KCNG2: variants seen among roughly 807,000 people sequenced by gnomAD.
KCNG2 encodes the protein potassium voltage-gated channel modifier subfamily G member 2, also known as voltage-gated potassium channel regulatory subunit KCNG2.
Under a neutral mutation model 12.3 loss-of-function variants are expected in KCNG2, and 7 were observed. The ratio of observed to expected loss-of-function variants is 0.57; its 90% CI spans 0.32 to 1.07. The LOEUF (loss-of-function observed/expected upper bound fraction) is 1.07. KCNG2 is among the 50% of genes least tolerant of loss of function. The pLI is 0.04. For missense variants in KCNG2, 703 were observed against 726.0 expected (o/e 0.97, Z 0.36); for synonymous variants, 414 against 351.4 (o/e 1.18, Z -1.99).
chr18:79,863,197 G>A (rs1293657138), intron 2 of KCNG2, among the ~76,000 whole-genome samples: 2 of 152,258 alleles, frequency 1.3e-5, no homozygotes, highest in African/African-American at 2.4e-5. Context: ...GGCTGATTCT[G>A]ACGTGGCTGG....
At chr18:79,899,008 C>A (rs1032288389) in intron 3 of KCNG2, 32 bp from the exon 4 acceptor site, 2 of 1,458,960 alleles carry the variant, frequency 1.4e-6, no homozygotes, top group South Asian at 2.8e-5. Context: ...AAGAGGCCTG[C>A]GCCCCCAACC....
intron 2 of KCNG2, among the ~76,000 whole-genome samples, chr18:79,859,018 T>C (rs975473279): frequency 2.0e-5 from 3 of 152,222 alleles, no homozygotes; most frequent in South Asian, 2.1e-4. Context: ...CCACCGTTAC[T>C]TGTCATTCAT....
chr18:79,892,707 T>TCACA, intron 3 of KCNG2, among the ~76,000 whole-genome samples: 1 of 151,670 alleles, frequency 6.6e-6, no homozygotes, highest in Admixed American at 6.6e-5. Flanking sequence ...TTCACACCAT[T>TCACA]GATAACGATT....
At chr18:79,831,848 C>T (rs1236597807) in intron 1 of KCNG2, among the ~76,000 whole-genome samples, 5 of 152,228 alleles carry the variant, frequency 3.3e-5, no homozygotes, top group East Asian at 1.9e-4. Flanking sequence ...CCTTACCTGG[C>T]GGGCGGCCTA....
At chr18:79,811,673 A>C (rs954821001) in intron 1 of KCNG2, among the ~76,000 whole-genome samples, 2 of 152,280 alleles carry the variant, frequency 1.3e-5, no homozygotes, top group African/African-American at 2.4e-5. Flanking sequence ...ACTATTTTAA[A>C]GTAGGCTTCA....
rs2087577687 is a variant in KCNG2, at chr18:79,822,383, C to T, written c.-115+24369C>T. 6.6e-6 allele frequency among the ~76,000 whole-genome samples: 1 copy of T among 152,188 alleles called. No homozygotes were observed. The highest frequency in any genetic ancestry group is 2.1e-4 in the South Asian group (1 of 4,832). ...CCTCACCATCGTTCCCATCATCCGT[C>T]TGTAATAGCTCTCCAGTTTGTTTTT... On this transcript the variant is annotated intron_variant, in intron 1 of 3. Coordinates refer to ENST00000316249, the MANE Select transcript of KCNG2 (RefSeq NM_012283.2). The surrounding 1 kb of genome is among the most constrained non-coding windows in gnomAD (Gnocchi z 4.4).
At chr18:79,877,334 C>T (rs1000361807) in intron 3 of KCNG2, among the ~76,000 whole-genome samples, 2 of 152,118 alleles carry the variant, frequency 1.3e-5, no homozygotes, top group African/African-American at 2.4e-5. Context: ...GGCTGGCTCC[C>T]GGCTCTCAGT....
intron 1 of KCNG2, among the ~76,000 whole-genome samples, chr18:79,824,089 GC>G (rs1374416525): frequency 6.6e-6 from 1 of 152,190 alleles, no homozygotes; most frequent in East Asian, 1.9e-4. Context: ...TGCAGCCTCC[GC>G]CCCCCAGGCT....
At chr18:79,867,554 T>G (rs2123082268) in intron 3 of KCNG2, among the ~76,000 whole-genome samples, 1 of 90,740 alleles carries the variant, frequency 1.1e-5, no homozygotes, top group Non-Finnish European at 2.0e-5. Flanking sequence ...TCGTCGTGTG[T>G]CGTGTCTGGG....
chr18:79,809,307 T>C (rs865953729), intron 1 of KCNG2, among the ~76,000 whole-genome samples: 2,995 of 50,818 alleles, frequency 0.059, 20 homozygotes, highest in Middle Eastern at 0.091. Context: ...CTCCACGTTA[T>C]GGGCCCAGAG....
chr18:79,873,433 C>CCG (rs551730753), intron 3 of KCNG2, among the ~76,000 whole-genome samples: 5 of 144,804 alleles, frequency 3.5e-5, no homozygotes, highest in Non-Finnish European at 7.7e-5. Flanking sequence ...CCCTCCCCCC[C>CCG]CCCCAGCCAC....
chr18:79,802,303 G>T (rs1279891331), intron 1 of KCNG2, among the ~76,000 whole-genome samples: 1 of 152,250 alleles, frequency 6.6e-6, no homozygotes, highest in Non-Finnish European at 1.5e-5. Flanking sequence ...CTCATGGAGG[G>T]GCGTCTGGGG....
At position 79,888,543 on chromosome 18, in the gene KCNG2, G is replaced by A. The variant is rs1005535223; in HGVS notation, c.625-10497G>A. On this transcript the variant is annotated intron_variant, in intron 3 of 3. Transcript: ENST00000316249. ...ACGGCGGCGTCCTCCTCATGAGGCC[G>A]CGGTGGGGCTGGGACGGCGGCGTCC... Among the ~76,000 whole-genome samples, 10 of 151,914 alleles carry A rather than the reference G, an allele frequency of 6.6e-5. No homozygotes were observed. In the East Asian group the frequency reaches 7.8e-4, roughly 12 times the overall value.
At chr18:79,898,839 G>A (rs1981074582) in intron 3 of KCNG2, among the ~76,000 whole-genome samples, 1 of 152,254 alleles carries the variant, frequency 6.6e-6, no homozygotes, top group Non-Finnish European at 1.5e-5. Flanking sequence ...CAAGCCCGAA[G>A]TGATCACCAT....
At chr18:79,810,788 G>A (rs532723865) in intron 1 of KCNG2, among the ~76,000 whole-genome samples, 6 of 152,044 alleles carry the variant, frequency 3.9e-5, no homozygotes, top group Admixed American at 6.6e-5. Context: ...ACCAAAAAAC[G>A]TAGAAAAAAA....
At chr18:79,839,494 A>G (rs1259048230) in intron 1 of KCNG2, among the ~76,000 whole-genome samples, 1 of 152,224 alleles carries the variant, frequency 6.6e-6, no homozygotes, top group Non-Finnish European at 1.5e-5. Context: ...TCCTTGGAAA[A>G]TACACACTAC....
rs1980466226 is a variant in KCNG2 at position 79,884,936 on chromosome 18, C to CT, written c.625-14103dup. 6.6e-6 allele frequency among the ~76,000 whole-genome samples: 1 copy of CT among 152,198 alleles called. No homozygotes were observed. ...TAATGAGAGCGTCCTGACACCAGGG[C>CT]TGGGAAGCCCACACTGATCTCTGAG... On this transcript the variant is annotated intron_variant, in intron 3 of 3. Coordinates refer to ENST00000316249, the MANE Select transcript of KCNG2 (RefSeq NM_012283.2). The surrounding 1 kb of genome is among the most constrained non-coding windows in gnomAD (Gnocchi z 5.5).
intron 2 of KCNG2, among the ~76,000 whole-genome samples, chr18:79,861,304 G>A (rs1183562250): frequency 9.5e-6 from 1 of 105,806 alleles, no homozygotes; most frequent in Non-Finnish European, 1.8e-5. Context: ...TTGAGATGGA[G>A]TTCTCACTCT....
intron 1 of KCNG2, among the ~76,000 whole-genome samples, chr18:79,854,833 G>T (rs1254823792): frequency 6.6e-6 from 1 of 152,150 alleles, no homozygotes; most frequent in African/African-American, 2.4e-5. Flanking sequence ...ATTCTTCTGA[G>T]CTTCCTGGTA....
Sources: allele counts gnomAD v4.1 joint callset (sites outside exome capture counted in the v4.1 genomes callset), GRCh38; gene constraint gnomAD v4.1.1; non-coding constraint Gnocchi (gnomAD v3.1); transcripts MANE v1.5; gene names NCBI Gene and HGNC (gene_info 2026-07-23, HGNC 2026-07-21).